Variants in TBCK observed in about 807,000 individuals in gnomAD.
TBCK encodes TBC domain-containing protein kinase-like protein.
A neutral mutation model predicts 113.4 loss-of-function variants in TBCK; 99 were observed. The ratio of observed to expected loss-of-function variants is 0.87; its 90% CI spans 0.74 to 1.03. The LOEUF is 1.03. Ranked by LOEUF, TBCK falls within the 50% of genes least tolerant of loss-of-function variation. The pLI is 0.00. For synonymous variants in TBCK, 369 were observed against 370.8 expected, an observed-to-expected ratio of 1.00 and a Z score of 0.05; for missense variants, 1,045 against 1,061.3, an observed-to-expected ratio of 0.98 and a Z score of 0.21.
intron 23 of TBCK, among the ~76,000 whole-genome samples, chr4:106,131,339 G>A (rs151327021): frequency 7.9e-5 from 12 of 152,344 alleles, no homozygotes; most frequent in East Asian, 3.9e-4. Context: ...TAGGCCAGGC[G>A]CCGTGGCTCA....
At chr4:106,258,221 C>A (rs936692046) in intron 5 of TBCK, among the ~76,000 whole-genome samples, 2 of 152,010 alleles carry the variant, frequency 1.3e-5, no homozygotes, top group African/African-American at 4.8e-5. Context: ...GTGAGTATGA[C>A]TGATGAGGTA....
At chr4:106,096,727 G>A (rs920049116) in intron 24 of TBCK, among the ~76,000 whole-genome samples, 1 of 152,136 alleles carries the variant, frequency 6.6e-6, no homozygotes, top group Admixed American at 6.5e-5. Context: ...GATGCAGGCT[G>A]AGCCAATGAG....
chr4:106,161,730 A>ATG (rs1304221432), intron 23 of TBCK, among the ~76,000 whole-genome samples: 1 of 144,786 alleles, frequency 6.9e-6, no homozygotes, highest in Non-Finnish European at 1.5e-5. Context: ...GTGTGTGTGT[A>ATG]TGTGTGTATG....
intron 23 of TBCK, among the ~76,000 whole-genome samples, chr4:106,120,271 G>A (rs952298614): frequency 3.3e-5 from 5 of 152,140 alleles, no homozygotes; most frequent in Non-Finnish European, 7.3e-5. Context: ...CTTAAAAAAC[G>A]GCGCACCACG....
intron 22 of TBCK, among the ~76,000 whole-genome samples, chr4:106,181,378 T>G (rs2149777832): frequency 6.6e-6 from 1 of 152,316 alleles, no homozygotes; most frequent in East Asian, 1.9e-4. Flanking sequence ...TTTAATTAGA[T>G]CCCATTTGTC....
chr4:106,285,463 TA>T (rs1765021480), intron 3 of TBCK, among the ~76,000 whole-genome samples: 1 of 152,124 alleles, frequency 6.6e-6, no homozygotes. Flanking sequence ...CATTCAATAT[TA>T]AATCGGTCAT....
chr4:106,213,534 G>A (rs1756433193), intron 19 of TBCK: 1 of 154,982 alleles, frequency 6.5e-6, no homozygotes, highest in African/African-American at 2.4e-5. Context: ...GCCAAAGCAG[G>A]GCGAGGCATT....
intron 25 of TBCK, among the ~76,000 whole-genome samples, chr4:106,092,360 G>A (rs374813547): frequency 1.1e-3 from 168 of 152,352 alleles, no homozygotes; most frequent in African/African-American, 3.5e-3. Flanking sequence ...CACTGGGGCC[G>A]CAGGTGGAGC....
intron 25 of TBCK, among the ~76,000 whole-genome samples, chr4:106,089,267 T>C (rs1171354672): frequency 6.6e-6 from 1 of 152,128 alleles, no homozygotes. Flanking sequence ...CTCACATGAA[T>C]TAGCAGAGCA....
At chr4:106,220,991 C>A (rs750935418) in intron 19 of TBCK, among the ~76,000 whole-genome samples, 2 of 152,154 alleles carry the variant, frequency 1.3e-5, no homozygotes, top group South Asian at 4.1e-4. Flanking sequence ...GAAATTCACA[C>A]CTCAGGCAAT....
chr4:106,185,032 CTTTCTT>C (rs1418272765), intron 22 of TBCK, among the ~76,000 whole-genome samples: 1 of 150,850 alleles, frequency 6.6e-6, no homozygotes, highest in Non-Finnish European at 1.5e-5. Flanking sequence ...CGTTTTCTCT[CTTTCTT>C]TTACACTTCA....
chr4:106,266,781 C>G (rs2150116555), intron 3 of TBCK, among the ~76,000 whole-genome samples: 1 of 151,760 alleles, frequency 6.6e-6, no homozygotes, highest in African/African-American at 2.4e-5. Flanking sequence ...TATTTTATAC[C>G]ATGAGAAGAA....
At chr4:106,292,521 G>A (rs1010450435) in intron 3 of TBCK, among the ~76,000 whole-genome samples, 1 of 149,180 alleles carries the variant, frequency 6.7e-6, no homozygotes, top group Non-Finnish European at 1.5e-5. Flanking sequence ...AGTGAGCCAA[G>A]ATCACGCCAC....
chr4:106,234,020 C>T (rs560594400), intron 15 of TBCK, among the ~76,000 whole-genome samples: 6 of 152,058 alleles, frequency 3.9e-5, no homozygotes, highest in Admixed American at 2.0e-4. Flanking sequence ...TCATTAGGGC[C>T]TAAAGAGGTC....
intron 22 of TBCK, among the ~76,000 whole-genome samples, chr4:106,189,342 CAAAAAAAA>C (rs1189938399): frequency 3.4e-5 from 2 of 59,480 alleles, no homozygotes; most frequent in South Asian, 1.1e-3. Flanking sequence ...GACTCCATCT[CAAAAAAAA>C]AAAAAAAAAG....
At chr4:106,089,365 C>T (rs1739921312) in intron 25 of TBCK, among the ~76,000 whole-genome samples, 1 of 152,182 alleles carries the variant, frequency 6.6e-6, no homozygotes, top group Non-Finnish European at 1.5e-5. Flanking sequence ...AAAGGCTCCA[C>T]ATTGAACATA....
chr4:106,168,075 A>G (rs1750593417), intron 23 of TBCK, among the ~76,000 whole-genome samples: 1 of 151,930 alleles, frequency 6.6e-6, no homozygotes. Flanking sequence ...TCTCATGAAC[A>G]TAGATACCAA....
At chr4:106,112,850 G>A (rs1259069475) in intron 24 of TBCK, among the ~76,000 whole-genome samples, 1 of 152,132 alleles carries the variant, frequency 6.6e-6, no homozygotes, top group African/African-American at 2.4e-5. Flanking sequence ...CAAAACTGGA[G>A]AAACTTATCT....
intron 25 of TBCK, among the ~76,000 whole-genome samples, chr4:106,074,609 C>G (rs1346901142): frequency 1.3e-5 from 2 of 152,166 alleles, no homozygotes; most frequent in East Asian, 3.8e-4. Flanking sequence ...CTAAAAGATT[C>G]ATGTATTTAG....
Sources: allele counts gnomAD v4.1 joint callset (sites outside exome capture counted in the v4.1 genomes callset), GRCh38; gene constraint gnomAD v4.1.1; transcripts MANE v1.5; gene names NCBI Gene and HGNC (gene_info 2026-07-23, HGNC 2026-07-21).